The following STAT5B variants were observed in gnomAD, a reference collection of about 807,000 sequenced individuals.
STAT5B encodes the protein signal transducer and activator of transcription 5B.
Under a neutral mutation model 107.8 loss-of-function variants are expected in STAT5B, and 21 were observed. The observed-to-expected ratio is 0.19, with a 90% CI of 0.14 to 0.28. The LOEUF is 0.28. Among genes scored for constraint, STAT5B ranks in the 10% least tolerant of loss-of-function variants. The pLI is 1.00. For synonymous variants in STAT5B, 325 were observed against 401.7 expected (o/e 0.81, Z 2.28); for missense variants, 565 against 1,008.2 (o/e 0.56, Z 5.95).
intron 3 of STAT5B, among the ~76,000 whole-genome samples, chr17:42,225,502 C>T (rs1471230063): frequency 2.6e-5 from 4 of 152,088 alleles, no homozygotes; most frequent in South Asian, 2.1e-4. Flanking sequence ...ATGTGATACC[C>T]GAGAAGGACA....
chr17:42,238,450 C>T (rs1377712420), intron 1 of STAT5B, among the ~76,000 whole-genome samples: 2 of 141,692 alleles, frequency 1.4e-5, no homozygotes, highest in African/African-American at 5.4e-5. Flanking sequence ...TTGTGCCTGG[C>T]CTTTTTTTTT....
intron 1 of STAT5B, among the ~76,000 whole-genome samples, chr17:42,244,800 A>G (rs1335532234): frequency 6.6e-6 from 1 of 152,210 alleles, no homozygotes; most frequent in South Asian, 2.1e-4. Flanking sequence ...TGATTAGACT[A>G]TAATGTATTA....
rs1471952728 is a variant in STAT5B at position 42,276,029 on chromosome 17, GCGC to G, written c.-11+216_-11+218del. ...GCCGCGGCGTTCGCAAGTCCCCCTC[GCGC>G]ACCCCGCATTGCCCTCAGCCTCCCC... On this transcript the variant is annotated intron_variant, in intron 1 of 18. Transcript: ENST00000293328. The surrounding 1 kb of genome is among the most constrained non-coding windows in gnomAD (Gnocchi z 4.8). 6.6e-6 allele frequency among the ~76,000 whole-genome samples: 1 copy of G among 150,728 alleles called. No individual in the cohort carries two copies. The highest frequency in any genetic ancestry group is 2.0e-4 in the East Asian group (1 of 5,034).
At chr17:42,276,879 C>T (rs1018975358), upstream of STAT5B, among the ~76,000 whole-genome samples, 1 of 152,222 alleles carries the variant, frequency 6.6e-6, no homozygotes, top group Non-Finnish European at 1.5e-5. This position sits in a 1 kb window ranked among gnomAD's most constrained non-coding sequence, Gnocchi z 4.8. Context: ...AATAATTATC[C>T]TGGGTTTGCC....
At chr17:42,270,468 T>C (rs1052180979) in intron 1 of STAT5B, 3 of 152,168 alleles carry the variant, frequency 2.0e-5, no homozygotes, top group Non-Finnish European at 1.5e-5. Context: ...TCTTCTTCTA[T>C]GATGTACACG....
In STAT5B at chr17:42,217,366, T is replaced by G. The variant is rs577745141; in HGVS notation, c.1257+11A>C. ...GGGAAAAATTCATTCTTCCTCTTCT[T>G]CCACCCTCACCATATTCCTGAAGTG... On this transcript the variant is annotated intron_variant, in intron 10 of 18. Coordinates refer to ENST00000293328, the MANE Select transcript of STAT5B (RefSeq NM_012448.4). 223 of 1,614,188 alleles carry G rather than the reference T, an allele frequency of 1.4e-4. 4 individuals are homozygous for G. The South Asian group carries it at 2.3e-3, about 17-fold the overall frequency.
intron 8 of STAT5B, 107 bp downstream of exon 8, chr17:42,218,616 A>G (rs2080194979): frequency 1.3e-6 from 2 of 1,588,694 alleles, no homozygotes; most frequent in Admixed American, 3.5e-5. Flanking sequence ...GTTGGGAGGG[A>G]TGAGAGGCAG....
At chr17:42,285,237 G>A in the STAT5B span, among the ~76,000 whole-genome samples, 1 of 151,958 alleles carries the variant, frequency 6.6e-6, no homozygotes, top group Non-Finnish European at 1.5e-5. Flanking sequence ...TTACAGGTGC[G>A]TGACACCACG....
chr17:42,216,053 C>T lies in STAT5B; in HGVS notation c.1434G>A (p.Ala478=), dbSNP rs1167853835. The change falls in exon 12 of 19, where the codon GCG becomes GCA. Residue 478 remains alanine (A), a synonymous_variant. Transcript: ENST00000293328. ...VIVHGSQDNN[A]TATVLWDNAF... is the part of the protein sequence containing the mutation. ...CATTGTCCCAGAGAACAGTGGCCGTCGCATTGTTGTCCTGGCTGCCATGAA... is the reference window on the plus strand; with the variant it reads ...CATTGTCCCAGAGAACAGTGGCCGTTGCATTGTTGTCCTGGCTGCCATGAA... 6 of 1,613,992 alleles carry T rather than the reference C, an allele frequency of 3.7e-6. No individual in the cohort carries two copies. Among genetic ancestry groups the T allele is most frequent in the East Asian group, 2.2e-5 (1 of 44,884 alleles).
intron 2 of STAT5B, 49 bp downstream of exon 2, chr17:42,231,951 A>C: frequency 6.2e-7 from 1 of 1,611,792 alleles, no homozygotes; most frequent in Non-Finnish European, 8.5e-7. Context: ...ACAAACTCCA[A>C]TATTCTTGTG....
intron 1 of STAT5B, among the ~76,000 whole-genome samples, chr17:42,266,950 A>AC (rs750777877): frequency 2.0e-4 from 30 of 152,256 alleles, no homozygotes; most frequent in Non-Finnish European, 3.7e-4. Context: ...GACTACACTC[A>AC]GAGTTTCCAT....
intron 2 of STAT5B, among the ~76,000 whole-genome samples, chr17:42,228,129 G>A (rs930395106): frequency 9.2e-5 from 14 of 152,158 alleles, no homozygotes; most frequent in African/African-American, 3.4e-4. Context: ...CAAGGAGTTT[G>A]GTATCTGTGG....
At chr17:42,284,620 G>A in the STAT5B span, among the ~76,000 whole-genome samples, 1 of 152,210 alleles carries the variant, frequency 6.6e-6, no homozygotes, top group Non-Finnish European at 1.5e-5. Flanking sequence ...ATGTAAGTGT[G>A]CACAGAGCAC....
chr17:42,221,748 A>C (rs987279000), intron 5 of STAT5B, among the ~76,000 whole-genome samples: 1 of 152,242 alleles, frequency 6.6e-6, no homozygotes, highest in African/African-American at 2.4e-5. Context: ...GTTATGTTTC[A>C]GGCATTGTGC....
intron 1 of STAT5B, among the ~76,000 whole-genome samples, chr17:42,258,148 T>C (rs2080562961): frequency 6.6e-6 from 1 of 152,248 alleles, no homozygotes; most frequent in Non-Finnish European, 1.5e-5. Context: ...TATTGAGGAA[T>C]AATTTTACAT....
rs1567652669 is a variant in STAT5B, at chr17:42,201,722, T to C, written c.*16A>G. On this transcript the variant is annotated 3_prime_UTR_variant, in exon 19 of 19. Transcript: ENST00000293328. ...CTGGTGAAGATGAAGAAGCTGAAGA[T>C]GGAGAGGTCGCGGGGTCACGATTGT... is the stretch of plus-strand genomic sequence containing the variant. 2 of 1,474,600 alleles carry C rather than the reference T, an allele frequency of 1.4e-6. No homozygotes were observed. The highest frequency in any genetic ancestry group is 1.1e-5 in the South Asian group (1 of 88,308). The allele number at this position is 1,474,600 out of a possible 1,614,324, so 91.3% of individuals were successfully genotyped here.
intron 18 of STAT5B, 121 bp downstream of exon 18, chr17:42,202,219 G>A: frequency 8.4e-7 from 1 of 1,197,284 alleles, no homozygotes. Context: ...CCCGGGCCAG[G>A]GCTGTGTGGT....
intron 17 of STAT5B, 55 bp from the exon 18 acceptor site, chr17:42,202,502 T>G: frequency 6.3e-7 from 1 of 1,594,996 alleles, no homozygotes; most frequent in Non-Finnish European, 8.6e-7. Context: ...GGCAGCTGAC[T>G]TGGGGAGGGG....
chr17:42,245,862 T>C (rs1275519791), intron 1 of STAT5B, among the ~76,000 whole-genome samples: 5 of 152,164 alleles, frequency 3.3e-5, no homozygotes, highest in African/African-American at 1.2e-4. Context: ...GGTTTCACCA[T>C]GTTGGCCAGC....
Sources: gnomAD v4.1 joint callset for allele counts (sites outside exome capture counted in the v4.1 genomes callset) on GRCh38, gnomAD v4.1.1 for gene constraint, Gnocchi (gnomAD v3.1) non-coding constraint, MANE v1.5 for transcripts, NCBI Gene and HGNC (gene_info 2026-07-23, HGNC 2026-07-21) for gene names.